The following CARS2 variants were observed in gnomAD, a reference collection of about 807,000 sequenced individuals.
CARS2 encodes cysteinyl-tRNA synthetase 2, mitochondrial.
Under a neutral mutation model 68.8 loss-of-function variants are expected in CARS2, and 52 were observed. That is an observed-to-expected ratio of 0.76 (90% CI 0.61 to 0.95). The LOEUF (loss-of-function observed/expected upper bound fraction) is 0.95, where lower values mean the gene tolerates loss of function less well. CARS2 is among the 40% of genes least tolerant of loss of function. The pLI, the probability that CARS2 is intolerant of heterozygous loss-of-function variation, is 0.00. For synonymous variants in CARS2, 314 were observed against 303.6 expected, an observed-to-expected ratio of 1.03 and a Z score of -0.36; for missense variants, 780 against 754.2, an observed-to-expected ratio of 1.03 and a Z score of -0.40.
chr13:110,671,139 T>C (rs937443059), intron 7 of CARS2, among the ~76,000 whole-genome samples: 3 of 152,134 alleles, frequency 2.0e-5, no homozygotes, highest in Non-Finnish European at 4.4e-5. Flanking sequence ...GAAAACACTC[T>C]TCAGGATATT....
chr13:110,663,732 C>A, intron 8 of CARS2: 1 of 1,303,950 alleles, frequency 7.7e-7, no homozygotes, highest in South Asian at 2.4e-5. Context: ...GGACACCCAG[C>A]CCCACACTGA....
intron 3 of CARS2, among the ~76,000 whole-genome samples, chr13:110,697,713 G>A (rs951306490): frequency 2.4e-4 from 36 of 152,320 alleles, no homozygotes; most frequent in African/African-American, 8.4e-4. Flanking sequence ...GATTACAGGC[G>A]TGAGCCACTG....
At chr13:110,691,900 T>C (rs780956361) in intron 3 of CARS2, among the ~76,000 whole-genome samples, 1 of 147,500 alleles carries the variant, frequency 6.8e-6, no homozygotes, top group Non-Finnish European at 1.5e-5. Context: ...CACAGGGGCA[T>C]CCCTAGGTCA....
At chr13:110,658,593 T>C (rs2062428647) in intron 9 of CARS2, among the ~76,000 whole-genome samples, 1 of 152,260 alleles carries the variant, frequency 6.6e-6, no homozygotes, top group South Asian at 2.1e-4. Flanking sequence ...AACTCCTCGT[T>C]TAAAAATAAA....
intron 3 of CARS2, among the ~76,000 whole-genome samples, chr13:110,695,102 G>A (rs905350140): frequency 1.3e-5 from 2 of 152,056 alleles, no homozygotes; most frequent in African/African-American, 4.8e-5. Context: ...GAGCAACTTA[G>A]AAGGCCCTGT....
chr13:110,709,474 T>C (rs113077160), upstream of CARS2, among the ~76,000 whole-genome samples: 62 of 152,194 alleles, frequency 4.1e-4, no homozygotes, highest in African/African-American at 1.2e-3. Context: ...TGGTTAGAAA[T>C]GTGATCTTTT....
At chr13:110,690,329 G>C (rs2063421517) in intron 3 of CARS2, among the ~76,000 whole-genome samples, 1 of 152,218 alleles carries the variant, frequency 6.6e-6, no homozygotes, top group Admixed American at 6.5e-5. Flanking sequence ...GCATGAAGGG[G>C]TGCCCAGACT....
In CARS2 at chr13:110,645,999, G is replaced by A. The variant is rs1888060889; in HGVS notation, c.1285C>T (p.His429Tyr). ...VVDAILGLAHHGNGQLRASLK... is the reference protein window; with the variant it reads ...VVDAILGLAHYGNGQLRASLK... Reference sequence around the variant, plus strand: ...GACGCCCTGAGCTGTCCATTCCCGTGGTGTGCAAGGCCCAGGATGGCATCA... The same window carrying A: ...GACGCCCTGAGCTGTCCATTCCCGTAGTGTGCAAGGCCCAGGATGGCATCA... The change falls in exon 12 of 15, where the codon CAC (histidine) becomes TAC (tyrosine). Residue 429 changes from histidine (H) to tyrosine (Y), a missense_variant. His to Tyr is a moderately conservative substitution (Grantham distance 83, BLOSUM62 2). Transcript: ENST00000257347. 6.2e-7 allele frequency: 1 copy of A among 1,613,884 alleles called. No homozygotes were observed. The highest frequency in any genetic ancestry group is 1.1e-5 in the South Asian group (1 of 91,042).
chr13:110,679,127 C>G (rs890299088), intron 6 of CARS2, among the ~76,000 whole-genome samples: 1 of 141,486 alleles, frequency 7.1e-6, no homozygotes. Flanking sequence ...CGTTCATTAC[C>G]TCAGTCTATG....
chr13:110,665,425 G>A lies in CARS2; in HGVS notation c.920-1907C>T, dbSNP rs7985128. 814,617 of 984,318 alleles carry A rather than the reference G, an allele frequency of 0.83. 338,446 individuals carry two copies. Among genetic ancestry groups the A allele is most frequent in the East Asian group, 0.85 (7,473 of 8,794 alleles). 61.0% of individuals were successfully genotyped at this position (984,318 alleles called of 1,614,324 possible). ...AGTGCCACTGCACTCCCAGGCTGGG[G>A]GACGGAGCGAAATTGTTTCAACAAC... On this transcript the variant is annotated intron_variant, in intron 8 of 14. Coordinates refer to ENST00000257347, the MANE Select transcript of CARS2 (RefSeq NM_024537.4). The surrounding 1 kb of genome is among the most constrained non-coding windows in gnomAD (Gnocchi z 4.3).
chr13:110,659,283 C>T (rs1319617585), intron 9 of CARS2, among the ~76,000 whole-genome samples: 1 of 152,048 alleles, frequency 6.6e-6, no homozygotes, highest in Admixed American at 6.6e-5. Flanking sequence ...CAAGCAGATG[C>T]AGGAAATGCT....
intron 9 of CARS2, among the ~76,000 whole-genome samples, chr13:110,661,210 A>G (rs1344813339): frequency 6.6e-6 from 1 of 152,254 alleles, no homozygotes; most frequent in Non-Finnish European, 1.5e-5. Flanking sequence ...TTCTAGCTAC[A>G]AAAGTCCTAG....
At position 110,665,874 on chromosome 13, in the gene CARS2, C is replaced by T. The variant is rs1043094001; in HGVS notation, c.919+1466G>A. ...CACCTTACTGTGACATCTTAATTTCCCAATTCAAGGGTTTCAAAAACTAGT... is the reference window on the plus strand; with the variant it reads ...CACCTTACTGTGACATCTTAATTTCTCAATTCAAGGGTTTCAAAAACTAGT... On this transcript the variant is annotated intron_variant, in intron 8 of 14. Transcript: ENST00000257347. This position sits in a 1 kb window ranked among gnomAD's most constrained non-coding sequence, Gnocchi z 4.3. 4 of 985,240 alleles carry T rather than the reference C, an allele frequency of 4.1e-6. No homozygotes were observed. In the South Asian group the frequency reaches 1.4e-4, roughly 35 times the overall value. 61.0% of individuals were successfully genotyped at this position (985,240 alleles called of 1,614,324 possible). A position where few individuals can be genotyped will look rare whatever the true frequency, so the allele number is the denominator to read the frequency against.
In CARS2 at chr13:110,676,412, C is replaced by T. The variant is rs1005051378; in HGVS notation, c.785+562G>A. Among the ~76,000 whole-genome samples the T allele has an allele frequency of 6.6e-6, 1 of 152,162 alleles. No individual in the cohort carries two copies. The highest frequency in any genetic ancestry group is 1.5e-5 in the Non-Finnish European group (1 of 68,038). ...GGGATGCCGCAGTGGGCCAGGAGAG[C>T]AGTGTCGTGTGACTGAGTGGGGGCG... On this transcript the variant is annotated intron_variant, in intron 7 of 14. Coordinates refer to ENST00000257347, the MANE Select transcript of CARS2 (RefSeq NM_024537.4). The surrounding 1 kb of genome is among the most constrained non-coding windows in gnomAD (Gnocchi z 4.0).
At position 110,665,015 on chromosome 13, in the gene CARS2, C is replaced by T; in HGVS notation, c.920-1497G>A. ...TGGGATAGTGTCTGCCCACTTAGCT[C>T]TTCCATCCACTGGGTACAGGAGAAC... On this transcript the variant is annotated intron_variant, in intron 8 of 14. Coordinates refer to ENST00000257347, the MANE Select transcript of CARS2 (RefSeq NM_024537.4). This position sits in a 1 kb window ranked among gnomAD's most constrained non-coding sequence, Gnocchi z 4.3. 1 of 985,456 alleles carries T rather than the reference C, an allele frequency of 1.0e-6. No individual in the cohort carries two copies. The highest frequency in any genetic ancestry group is 1.2e-6 in the Non-Finnish European group (1 of 829,936). 61.0% of individuals were successfully genotyped at this position (985,456 alleles called of 1,614,324 possible). A position where few individuals can be genotyped will look rare whatever the true frequency, so the allele number is the denominator to read the frequency against.
At position 110,647,179 on chromosome 13, in the gene CARS2, G is replaced by T; in HGVS notation, c.1115C>A (p.Ser372Tyr). 1 of 1,613,116 alleles carries T rather than the reference G, an allele frequency of 6.2e-7. No individual in the cohort carries two copies. Among genetic ancestry groups the T allele is most frequent in the Non-Finnish European group, 8.5e-7 (1 of 1,179,864 alleles). ...QAQQLLLGLG[S>Y]FLEDARAYMK... ...GTAGGCACGTGCGTCCTCCAGGAAAGAGCCCAGCCCCAGGAGCAGCTGCTG... is the reference window on the plus strand; with the variant it reads ...GTAGGCACGTGCGTCCTCCAGGAAATAGCCCAGCCCCAGGAGCAGCTGCTG... The change falls in exon 11 of 15, where the codon TCT (serine) becomes TAT (tyrosine). Residue 372 changes from serine (S) to tyrosine (Y), a missense_variant. Ser to Tyr is a moderately radical substitution (Grantham distance 144). Coordinates refer to ENST00000257347, the MANE Select transcript of CARS2 (RefSeq NM_024537.4).
chr13:110,710,818 T>C (rs1234167200), upstream of CARS2, among the ~76,000 whole-genome samples: 1 of 152,228 alleles, frequency 6.6e-6, no homozygotes, highest in Non-Finnish European at 1.5e-5. Context: ...TGGCACATGG[T>C]AGACACTCGT....
chr13:110,642,992 C>T, intron 13 of CARS2: 1 of 360,068 alleles, frequency 2.8e-6, no homozygotes, highest in Non-Finnish European at 5.5e-6. Flanking sequence ...GCGCTGTCCT[C>T]CCACTGAGAA....
In CARS2 at chr13:110,676,022, C is replaced by T. The variant is rs574526563; in HGVS notation, c.785+952G>A. Among the ~76,000 whole-genome samples the T allele has an allele frequency of 3.3e-5, 5 of 152,298 alleles. No individual in the cohort carries two copies. Among genetic ancestry groups the T allele is most frequent in the East Asian group, 1.9e-4 (1 of 5,176 alleles). On this transcript the variant is annotated intron_variant, in intron 7 of 14. Coordinates refer to ENST00000257347, the MANE Select transcript of CARS2 (RefSeq NM_024537.4). This position sits in a 1 kb window ranked among gnomAD's most constrained non-coding sequence, Gnocchi z 4.0. ...AATACAAAATTAGCCGGGGTGGTGG[C>T]GCATGCCAGTAATCCCAGCTACTCA...
Sources: allele counts gnomAD v4.1 joint callset (sites outside exome capture counted in the v4.1 genomes callset), GRCh38; gene constraint gnomAD v4.1.1; non-coding constraint Gnocchi (gnomAD v3.1); transcripts MANE v1.5; gene names NCBI Gene and HGNC (gene_info 2026-07-23, HGNC 2026-07-21).